Variants in ASPM observed in about 807,000 individuals in gnomAD.
The protein encoded by ASPM is abnormal spindle-like microcephaly-associated protein.
ASPM carries 256 observed loss-of-function variants against 366.4 expected under a neutral mutation model. The observed-to-expected ratio is 0.70, with a 90% CI of 0.63 to 0.77. ASPM has a LOEUF of 0.77. Among genes scored for constraint, ASPM ranks in the 30% least tolerant of loss-of-function variants. The pLI, the probability that ASPM is intolerant of heterozygous loss-of-function variation, is 0.00. For synonymous variants in ASPM, 1,414 were observed against 1,342.9 expected, an observed-to-expected ratio of 1.05 and a Z score of -1.16; for missense variants, 4,146 against 4,090.4, an observed-to-expected ratio of 1.01 and a Z score of -0.37.
chr1:197,093,132 C>T lies in ASPM; in HGVS notation c.9214G>A (p.Glu3072Lys). Residue 3072 changes from glutamate (E) to lysine (K), a missense_variant, in exon 21 of 28, where the codon GAA becomes AAA. Around this residue, in one of 3 missense-constraint regions of ASPM, gnomAD observed 3,624 missense variants for 3,591.7 expected, o/e 1.01. Coordinates refer to ENST00000367409, the MANE Select transcript of ASPM (RefSeq NM_018136.5). ...YIRAREAGKH[E>K]RIKYIEFKKS... ...TTAAATTCAATATATTTTATCCTTT[C>T]ATGCTTTCCAGCCTCCCTGGCTCGT... The T allele has an allele frequency of 6.2e-7, 1 of 1,612,398 alleles. No homozygotes were observed. The highest frequency in any genetic ancestry group is 1.1e-5 in the South Asian group (1 of 91,046).
chr1:197,090,739 G>A (rs1038451612), intron 23 of ASPM, 111 bp downstream of exon 23: 46 of 982,380 alleles, frequency 4.7e-5, no homozygotes, highest in Admixed American at 4.1e-4. Flanking sequence ...TTATTCTACC[G>A]GCTAATGCGT....
intron 6 of ASPM, 137 bp from the exon 7 acceptor site, chr1:197,132,489 T>TA: frequency 1.4e-6 from 1 of 725,134 alleles, no homozygotes; most frequent in Non-Finnish European, 2.3e-6. Flanking sequence ...AAAATACACT[T>TA]ATAGTCTTAA....
At position 197,093,189 on chromosome 1, in the gene ASPM, TCTGCCGAAGAAAGAC is replaced by T; in HGVS notation, c.9142_9156del (p.Val3048_Gln3052del). The T allele has an allele frequency of 6.2e-7, 1 of 1,612,724 alleles. No homozygotes were observed. The highest frequency in any genetic ancestry group is 1.3e-5 in the African/African-American group (1 of 74,960). On this transcript the variant is annotated inframe_deletion, in exon 21 of 28. Transcript: ENST00000367409. Reference sequence around the variant, plus strand: ...TTTTGTATGATCAAAGCAGCAGATTTCTGCCGAAGAAAGACCTGCCTTCCTTTATATCCTCTATAA... The same window carrying T: ...TTTTGTATGATCAAAGCAGCAGATTTCTGCCTTCCTTTATATCCTCTATAA...
Position 197,084,276 on chromosome 1 carries a change from G to T in ASPM, c.*48C>A. The stretch of plus-strand genomic sequence containing the variant: ...AAAATCACTTTACGTACTCATGATT[G>T]GCTTTAATATTTCTTTACACTATAC... On this transcript the variant is annotated 3_prime_UTR_variant, in exon 28 of 28. Transcript: ENST00000367409. 1.4e-6 allele frequency: 2 copies of T among 1,379,682 alleles called. No homozygotes were observed. The highest frequency in any genetic ancestry group is 2.1e-6 in the Non-Finnish European group (2 of 969,570). 85.5% of individuals were successfully genotyped at this position (1,379,682 alleles called of 1,614,324 possible). A position where few individuals can be genotyped will look rare whatever the true frequency, so the allele number is the denominator to read the frequency against.
chr1:197,142,680 T>C lies in ASPM; in HGVS notation c.1572A>G (p.Ala524=). The change falls in exon 3 of 28, where the codon GCA becomes GCG. Residue 524 remains alanine (A), a synonymous_variant. Transcript: ENST00000367409. ...KPKAKRCLNS[A]VGEHEKVINN... ...TTATTACTTTTTCATGTTCACCCAC[T>C]GCACTGTTGAGACATCTTTTTGCTT... 1 of 1,613,824 alleles carries C rather than the reference T, an allele frequency of 6.2e-7. No individual in the cohort carries two copies. The highest frequency in any genetic ancestry group is 8.5e-7 in the Non-Finnish European group (1 of 1,179,738).
chr1:197,145,432 C>T (rs990111165), intron 1 of ASPM, among the ~76,000 whole-genome samples: 1 of 151,994 alleles, frequency 6.6e-6, no homozygotes. Context: ...CTAAAGTGTG[C>T]ATACATACTA....
At chr1:197,109,336 A>T (rs1456425062) in intron 17 of ASPM, among the ~76,000 whole-genome samples, 1 of 152,142 alleles carries the variant, frequency 6.6e-6, no homozygotes, top group East Asian at 1.9e-4. Flanking sequence ...TAAAAAATAC[A>T]TAACTAATAT....
Position 197,100,662 on chromosome 1 carries a change from A to G in ASPM, c.8589T>C (p.Ala2863=), listed in dbSNP as rs772784133. 1 of 1,612,334 alleles carries G rather than the reference A, an allele frequency of 6.2e-7. No homozygotes were observed. Among genetic ancestry groups the G allele is most frequent in the Middle Eastern group, 1.7e-4 (1 of 6,058 alleles). ...TCCTAAAATAATGCTGTAAAGTGAT[A>G]GCAGCTCTTTTCTGCTGAACAAATC... is the stretch of plus-strand genomic sequence containing the variant. The part of the protein sequence containing the change: ...RRRFVQQKRA[A]ITLQHYFRTW... Residue 2863 remains alanine (A), a synonymous_variant, in exon 18 of 28, where the codon GCT becomes GCC. Transcript: ENST00000367409.
chr1:197,138,723 T>C, intron 4 of ASPM: 1 of 681,756 alleles, frequency 1.5e-6, no homozygotes, highest in Non-Finnish European at 2.7e-6. Context: ...GATAGGGCTC[T>C]CAAACAGAAA....
At chr1:197,087,078 T>A in intron 26 of ASPM, 106 bp from the exon 27 acceptor site, 1 of 1,088,212 alleles carries the variant, frequency 9.2e-7, no homozygotes, top group Non-Finnish European at 1.3e-6. Context: ...TAAACCTTTT[T>A]TTTTTCTTTT....
intron 4 of ASPM, among the ~76,000 whole-genome samples, chr1:197,135,462 AACC>A (rs1266335250): frequency 2.0e-5 from 3 of 152,176 alleles, no homozygotes; most frequent in Non-Finnish European, 4.4e-5. Flanking sequence ...TTTAACACTA[AACC>A]ACCATGAATC....
rs1658645451 is a variant in ASPM, at chr1:197,142,995, AT to A, written c.1256del (p.Asn419IlefsTer36). ...CTTCAGGAGACTGTGGGACTTGAGA[AT>A]TTTCATTTGATAATGGTACTTTACA... ...QTCKVPLSNE[N>X]SQVPQSPEDW... On this transcript the variant is annotated frameshift_variant, in exon 3 of 28. Coordinates refer to ENST00000367409, the MANE Select transcript of ASPM (RefSeq NM_018136.5). LOFTEE classifies it high-confidence loss of function. 6.2e-7 allele frequency: 1 copy of A among 1,613,730 alleles called. No homozygotes were observed. The highest frequency in any genetic ancestry group is 1.7e-5 in the Admixed American group (1 of 59,986).
chr1:197,146,386 G>C lies in ASPM; in HGVS notation c.52C>G (p.Arg18Gly). The change falls in exon 1 of 28, where the codon CGG becomes GGG. Residue 18 changes from arginine to glycine, a missense_variant. Arg to Gly is a moderately radical substitution (Grantham distance 125, BLOSUM62 -2). Transcript: ENST00000367409. ...CCCCGCAGCCCCGCGGGCGGCCTCCGCTCGGTCGGGCTCACTTCCCAGCAG... is the reference window on the plus strand; with the variant it reads ...CCCCGCAGCCCCGCGGGCGGCCTCCCCTCGGTCGGGCTCACTTCCCAGCAG... ...RGCWEVSPTERRPPAGLRGPA... is the reference protein window; with the variant it reads ...RGCWEVSPTEGRPPAGLRGPA... 2 of 1,609,484 alleles carry C rather than the reference G, an allele frequency of 1.2e-6. No homozygotes were observed. The highest frequency in any genetic ancestry group is 8.5e-7 in the Non-Finnish European group (1 of 1,179,196).
chr1:197,101,281 C>T lies in ASPM; in HGVS notation c.7970G>A (p.Arg2657Lys). The T allele has an allele frequency of 6.2e-7, 1 of 1,611,842 alleles. No individual in the cohort carries two copies. Among genetic ancestry groups the T allele is most frequent in the Non-Finnish European group, 8.5e-7 (1 of 1,178,812 alleles). ...ACGCACTGCAGTTAGTTTTCTGTATCTTCTTTGAATAGAAACTACTGTTGC... is the reference window on the plus strand; with the variant it reads ...ACGCACTGCAGTTAGTTTTCTGTATTTTCTTTGAATAGAAACTACTGTTGC... ...LRATVVSIQR[R>K]YRKLTAVRTQ... The change falls in exon 18 of 28, where the codon AGA (arginine) becomes AAA (lysine). Residue 2657 changes from arginine to lysine, a missense_variant. Around this residue, in one of 3 missense-constraint regions of ASPM, gnomAD observed 3,624 missense variants for 3,591.7 expected, o/e 1.01. Coordinates refer to ENST00000367409, the MANE Select transcript of ASPM (RefSeq NM_018136.5).
At chr1:197,117,693 A>C in intron 17 of ASPM, 96 bp downstream of exon 17, 1 of 1,118,046 alleles carries the variant, frequency 8.9e-7, no homozygotes, top group Non-Finnish European at 1.3e-6. Flanking sequence ...AAGAATCCTA[A>C]AATATAATCA....
chr1:197,097,289 ACTGT>A (rs1275672924), intron 18 of ASPM, among the ~76,000 whole-genome samples: 8 of 151,692 alleles, frequency 5.3e-5, no homozygotes, highest in Non-Finnish European at 8.8e-5. Context: ...TACTTGAATA[ACTGT>A]CTTTGTTTCT....
chr1:197,123,871 C>A (rs1036477355), intron 13 of ASPM, among the ~76,000 whole-genome samples: 3 of 152,068 alleles, frequency 2.0e-5, no homozygotes. Context: ...GCATCTTCTA[C>A]TAAGACTTCC....
intron 3 of ASPM, among the ~76,000 whole-genome samples, chr1:197,140,298 T>G (rs948911942): frequency 2.0e-5 from 3 of 152,186 alleles, no homozygotes; most frequent in African/African-American, 7.2e-5. Flanking sequence ...AAATTAGGCA[T>G]GAGGAATGTG....
rs1198415899 is a variant in ASPM, at chr1:197,101,829, C to A, written c.7422G>T (p.Lys2474Asn). 10 of 1,612,766 alleles carry A rather than the reference C, an allele frequency of 6.2e-6. No individual in the cohort carries two copies. Among genetic ancestry groups the A allele is most frequent in the Non-Finnish European group, 6.8e-6 (8 of 1,179,338 alleles). ...CCCTTTGCATTTCTTGTAACTTCTT[C>A]TTTACCATCAGTCTTCTGTAAGATG... Reference protein sequence around the residue: ...IQSSYRRLMVKKKLQEMQRAA... With the variant: ...IQSSYRRLMVNKKLQEMQRAA... The change falls in exon 18 of 28, where the codon AAG becomes AAT. Residue 2474 changes from lysine to asparagine, a missense_variant. Coordinates refer to ENST00000367409, the MANE Select transcript of ASPM (RefSeq NM_018136.5).
Sources: allele counts gnomAD v4.1 joint callset (sites outside exome capture counted in the v4.1 genomes callset), GRCh38; gene constraint gnomAD v4.1.1; regional missense constraint gnomAD v4.1.1; transcripts MANE v1.5; gene names NCBI Gene and HGNC (gene_info 2026-07-23, HGNC 2026-07-21).